The following PDE4C variants were observed in gnomAD, a reference collection of about 807,000 sequenced individuals.
The protein encoded by PDE4C is phosphodiesterase 4C, also known as 3',5'-cyclic-AMP phosphodiesterase 4C.
A neutral mutation model predicts 63.9 loss-of-function variants in PDE4C; 50 were observed. The ratio of observed to expected loss-of-function variants is 0.78; its 90% confidence interval spans 0.62 to 0.99. The LOEUF is 0.99. Ranked by LOEUF, PDE4C falls within the 50% of genes least tolerant of loss-of-function variation. The pLI, the probability that PDE4C is intolerant of heterozygous loss-of-function variation, is 0.00. For synonymous variants in PDE4C, 377 were observed against 385.1 expected (o/e 0.98, Z 0.25); for missense variants, 777 against 899.1 (o/e 0.86, Z 1.74).
Position 18,222,126 on chromosome 19 carries a change from A to T in PDE4C, c.338+6T>A. On this transcript the variant is annotated splice_donor_region_variant and intron_variant, in intron 2 of 14. Transcript: ENST00000262805. ...GGCGGTGTCATCCCACCAGCCCCAG[A>T]CTCACAGGTCGCTGGCCACAGAGGA... The T allele has an allele frequency of 6.2e-7, 1 of 1,603,884 alleles. No individual in the cohort carries two copies. Among genetic ancestry groups the T allele is most frequent in the Middle Eastern group, 1.7e-4 (1 of 6,022 alleles).
exon 8 of PDE4C, chr19:18,219,343 G>A: frequency 1.9e-6 from 3 of 1,613,928 alleles, no homozygotes; most frequent in Non-Finnish European, 2.5e-6. Context: ...CCGGGACATG[G>A]GCTGTGGGGC....
Position 18,248,051 on chromosome 19 carries a change from A to G in PDE4C, c.-210+120T>C. On this transcript the variant is annotated intron_variant, in intron 1 of 15. Coordinates refer to the PDE4C transcript ENST00000594617. The stretch of plus-strand genomic sequence containing the variant: ...CCCCAGACACATGGGAGACCCATTC[A>G]GCTCCCAGAGTGGCTCTGATGGTTT... 3 of 386,304 alleles carry G rather than the reference A, an allele frequency of 7.8e-6. No individual in the cohort carries two copies. In the Admixed American group the frequency reaches 9.0e-5, roughly 12 times the overall value. 23.9% of individuals were successfully genotyped at this position (386,304 alleles called of 1,614,324 possible). A position where few individuals can be genotyped will look rare whatever the true frequency, so the allele number is the denominator to read the frequency against.
At chr19:18,254,345 G>A in the PDE4C span, among the ~76,000 whole-genome samples, 1 of 152,236 alleles carries the variant, frequency 6.6e-6, no homozygotes, top group Non-Finnish European at 1.5e-5. Flanking sequence ...GAAAAAGGAA[G>A]AGTTGGAGGA....
intron 1 of PDE4C, among the ~76,000 whole-genome samples, chr19:18,240,721 C>T (rs1019380566): frequency 3.3e-5 from 5 of 151,774 alleles, no homozygotes; most frequent in South Asian, 2.1e-4. Context: ...AGCGAGACTA[C>T]GTCTCAAAAA....
upstream of PDE4C, among the ~76,000 whole-genome samples, chr19:18,237,243 G>T (rs1968965683): frequency 6.6e-6 from 1 of 152,104 alleles, no homozygotes; most frequent in East Asian, 1.9e-4. Context: ...TCTCAAACGT[G>T]GGGGGATATA....
chr19:18,222,392 G>T, intron 1 of PDE4C, 69 bp from the exon 2 acceptor site: 2 of 1,407,054 alleles, frequency 1.4e-6, no homozygotes, highest in Non-Finnish European at 2.0e-6. Context: ...TGGCCACCTT[G>T]TCTGGTGCGT....
intron 12 of PDE4C, among the ~76,000 whole-genome samples, chr19:18,214,799 A>C (rs561324632): frequency 6.6e-6 from 1 of 151,900 alleles, no homozygotes; most frequent in East Asian, 1.9e-4. Flanking sequence ...AAATACAAAA[A>C]ATTAGCCGGG....
chr19:18,231,562 AG>A (rs1350896988), intron 1 of PDE4C, among the ~76,000 whole-genome samples: 2 of 152,126 alleles, frequency 1.3e-5, no homozygotes, highest in Non-Finnish European at 2.9e-5. Context: ...TGGGGGCGAG[AG>A]GCCAGGCTTG....
chr19:18,208,034 A>T (rs1363994654), downstream of PDE4C: 1 of 152,148 alleles, frequency 6.6e-6, no homozygotes, highest in Non-Finnish European at 1.5e-5. Flanking sequence ...TACAGCGAAC[A>T]TGGTATTACT....
intron 8 of PDE4C, 44 bp from the exon 9 acceptor site, chr19:18,219,082 T>A (rs1555823584): frequency 6.3e-7 from 1 of 1,585,500 alleles, no homozygotes; most frequent in South Asian, 1.1e-5. Context: ...CAGCCCAACT[T>A]CCCCAGACTC....
chr19:18,245,853 T>A lies in PDE4C; in HGVS notation c.-210+2318A>T, dbSNP rs148830506. Among the ~76,000 whole-genome samples, 249 of 152,194 alleles carry A rather than the reference T, an allele frequency of 1.6e-3. 2 individuals carry two copies. The highest frequency in any genetic ancestry group is 5.7e-3 in the African/African-American group (238 of 41,526). On this transcript the variant is annotated intron_variant, in intron 1 of 15. Transcript: ENST00000594617. Reference sequence around the variant, plus strand: ...GTCCTTTATTTATTTATTATTATCATTATTTTTTGAGACGGAGTCTCGCTC... The same window carrying A: ...GTCCTTTATTTATTTATTATTATCAATATTTTTTGAGACGGAGTCTCGCTC...
intron 1 of PDE4C, chr19:18,232,939 C>A: frequency 1.4e-6 from 2 of 1,444,778 alleles, no homozygotes; most frequent in Non-Finnish European, 1.8e-6. Context: ...GCCCCTGCCC[C>A]GGCCACCTAC....
exon 1 of PDE4C, chr19:18,233,219 AG>A: frequency 6.4e-7 from 1 of 1,550,646 alleles, no homozygotes. Flanking sequence ...CTGGGATAGC[AG>A]GGAGCAGGAC....
At chr19:18,245,128 C>T (rs944687276) in intron 1 of PDE4C, among the ~76,000 whole-genome samples, 2 of 150,934 alleles carry the variant, frequency 1.3e-5, no homozygotes, top group Non-Finnish European at 1.5e-5. Context: ...AGCCACTGTG[C>T]CTAGCCTGTT....
chr19:18,208,483 C>T (rs1967785450), downstream of PDE4C: 1 of 122,614 alleles, frequency 8.2e-6, no homozygotes, highest in Non-Finnish European at 1.7e-5. Context: ...CACCCCCCAA[C>T]CCCCGACAAG....
exon 2 of PDE4C, chr19:18,222,197 G>T: frequency 6.2e-7 from 1 of 1,614,196 alleles, no homozygotes; most frequent in Non-Finnish European, 8.5e-7. Context: ...CGCTATCTGA[G>T]CGGTACAGGA....
the PDE4C span, among the ~76,000 whole-genome samples, chr19:18,254,013 C>T: frequency 1.3e-5 from 2 of 152,212 alleles, no homozygotes; most frequent in Non-Finnish European, 1.5e-5. Flanking sequence ...AACACTGGCC[C>T]TGAGAGGGGG....
rs556577618 is a variant in PDE4C, at chr19:18,233,500, C to T, written c.-309G>A. 18 of 637,148 alleles carry T rather than the reference C, an allele frequency of 2.8e-5. No individual in the cohort carries two copies. The Middle Eastern group carries it at 9.8e-4, about 35-fold the overall frequency. The allele number at this position is 637,148 out of a possible 1,614,324, so 39.5% of individuals were successfully genotyped here. ...CACACCAGCCCCGAAAACCGTCTGC[C>T]GTCCCCTATAGCGCTGCATGGAAAA... On this transcript the variant is annotated 5_prime_UTR_variant, in exon 1 of 15. Coordinates refer to the PDE4C transcript ENST00000594465.
At chr19:18,227,468 T>G (rs1324217871), upstream of PDE4C, among the ~76,000 whole-genome samples, 1 of 152,088 alleles carries the variant, frequency 6.6e-6, no homozygotes, top group African/African-American at 2.4e-5. Context: ...CTGCGAAACC[T>G]CAGCCGCCCA....
Sources: allele counts gnomAD v4.1 joint callset (sites outside exome capture counted in the v4.1 genomes callset), GRCh38; gene constraint gnomAD v4.1.1; transcripts MANE v1.5; gene names NCBI Gene and HGNC (gene_info 2026-07-23, HGNC 2026-07-21).